Variants in TENM4 observed in about 807,000 individuals in gnomAD.
TENM4 encodes teneurin-4.
TENM4 carries 82 observed loss-of-function variants against 243.3 expected under a neutral mutation model. That is an observed-to-expected ratio of 0.34 (90% CI 0.28 to 0.40). The LOEUF (loss-of-function observed/expected upper bound fraction) is 0.40, where lower values mean the gene tolerates loss of function less well. Among genes scored for constraint, TENM4 ranks in the 10% least tolerant of loss-of-function variants. The pLI, the probability that TENM4 is intolerant of heterozygous loss-of-function variation, is 1.00. For synonymous variants in TENM4, 1,412 were observed against 1,456.3 expected (o/e 0.97, Z 0.69); for missense variants, 3,138 against 3,673.3 (o/e 0.85, Z 3.77).
chr11:79,391,117 T>A (rs770166183), intron 1 of TENM4, among the ~76,000 whole-genome samples: 97 of 152,182 alleles, frequency 6.4e-4, no homozygotes, highest in Non-Finnish European at 1.2e-3. Context: ...GGGGAGTCAT[T>A]TCTAAAAATA....
Position 78,701,849 on chromosome 11 carries a change from C to A in TENM4, c.4764G>T (p.Leu1588=). The A allele has an allele frequency of 6.2e-7, 1 of 1,614,016 alleles. No homozygotes were observed. Among genetic ancestry groups the A allele is most frequent in the East Asian group, 2.2e-5 (1 of 44,878 alleles). Residue 1588 remains leucine, a synonymous_variant, in exon 28 of 34, where the codon CTG becomes CTT. Transcript: ENST00000278550. Reference sequence around the variant, plus strand: ...ACAGGTGCTTGCCGGTGGTATCAAACAGATAGAGCTCCTGGTCAATTGGTG... The same window carrying A: ...ACAGGTGCTTGCCGGTGGTATCAAAAAGATAGAGCTCCTGGTCAATTGGTG... ...LSSPIDQELY[L]FDTTGKHLYT... is the part of the protein sequence containing the mutation.
At chr11:78,869,353 T>A (rs1316381578) in intron 9 of TENM4, among the ~76,000 whole-genome samples, 1 of 152,216 alleles carries the variant, frequency 6.6e-6, no homozygotes, top group Non-Finnish European at 1.5e-5. Flanking sequence ...CATGTATGCA[T>A]ATGAAAAACA....
At chr11:78,970,000 TCTTTTTCTTCTCATGTGCTAGCCATA>T (rs1857508127) in intron 6 of TENM4, among the ~76,000 whole-genome samples, 1 of 152,236 alleles carries the variant, frequency 6.6e-6, no homozygotes, top group Admixed American at 6.5e-5. Context: ...CCAAATGCAT[TCTTTTTCTTCTCATGTGCTAGCCATA>T]GGGCATTCAG....
chr11:79,273,110 T>C (rs902584722), intron 2 of TENM4, among the ~76,000 whole-genome samples: 1 of 152,168 alleles, frequency 6.6e-6, no homozygotes, highest in South Asian at 2.1e-4. Flanking sequence ...AACAAATCTG[T>C]GTCCTGGCCA....
chr11:79,363,514 A>G (rs78732269), intron 1 of TENM4, among the ~76,000 whole-genome samples: 1,574 of 152,342 alleles, frequency 0.01, 27 homozygotes, highest in African/African-American at 0.036. Context: ...TGTTGTGACT[A>G]TCCGCTGTCT....
chr11:79,356,758 T>C (rs908672586), intron 1 of TENM4, among the ~76,000 whole-genome samples: 1 of 149,240 alleles, frequency 6.7e-6, no homozygotes, highest in Non-Finnish European at 1.5e-5. Flanking sequence ...TTGTATTGGG[T>C]AAAAAAAAAA....
intron 6 of TENM4, among the ~76,000 whole-genome samples, chr11:78,966,039 T>G (rs943098032): frequency 6.6e-6 from 1 of 152,140 alleles, no homozygotes; most frequent in South Asian, 2.1e-4. Context: ...CAATCCAGCA[T>G]GTACCGGAGC....
chr11:78,731,057 T>C (rs948820164), intron 21 of TENM4, among the ~76,000 whole-genome samples: 3 of 152,218 alleles, frequency 2.0e-5, no homozygotes, highest in Non-Finnish European at 1.5e-5. Flanking sequence ...AGTTTGTTTA[T>C]GTGTATTTCA....
intron 6 of TENM4, among the ~76,000 whole-genome samples, chr11:78,968,614 G>A (rs1302336629): frequency 2.6e-5 from 4 of 152,166 alleles, no homozygotes; most frequent in Non-Finnish European, 5.9e-5. Flanking sequence ...CAGAGGGGTG[G>A]GGCATTTACA....
intron 10 of TENM4, among the ~76,000 whole-genome samples, chr11:78,861,560 T>A (rs1858820201): frequency 6.6e-6 from 1 of 152,202 alleles, no homozygotes; most frequent in Non-Finnish European, 1.5e-5. Flanking sequence ...ACTGGCTTTG[T>A]CCCTCAAAAT....
intron 6 of TENM4, among the ~76,000 whole-genome samples, chr11:79,028,377 T>G (rs1859136955): frequency 6.6e-6 from 1 of 152,202 alleles, no homozygotes; most frequent in South Asian, 2.1e-4. Context: ...GGAGGCTTCT[T>G]GCTCTCATGA....
At chr11:78,676,013 C>T in intron 30 of TENM4, 139 bp downstream of exon 30, 1 of 843,714 alleles carries the variant, frequency 1.2e-6, no homozygotes, top group Non-Finnish European at 1.8e-6. Context: ...TCTCTGATCA[C>T]ACATGGTTCC....
chr11:79,429,282 C>A (rs1188055328), intron 1 of TENM4, among the ~76,000 whole-genome samples: 3 of 152,102 alleles, frequency 2.0e-5, no homozygotes, highest in Non-Finnish European at 2.9e-5. Flanking sequence ...CCTGAAATAA[C>A]CTGCAATAGA....
At chr11:78,877,255 C>G (rs1454594536) in intron 9 of TENM4, among the ~76,000 whole-genome samples, 1 of 152,120 alleles carries the variant, frequency 6.6e-6, no homozygotes, top group Non-Finnish European at 1.5e-5. Flanking sequence ...CCTCTCACTG[C>G]TCCCTTCTTC....
At position 78,703,733 on chromosome 11, in the gene TENM4, T is replaced by G. The variant is rs1369261554; in HGVS notation, c.4210-1330A>C. On this transcript the variant is annotated intron_variant, in intron 27 of 33. Coordinates refer to ENST00000278550, the MANE Select transcript of TENM4 (RefSeq NM_001098816.3). ...CCGACAGGTGCACCCTACTGCTGAT[T>G]TTTCCACCCCACCTAAAAATTCACT... 5.3e-5 allele frequency among the ~76,000 whole-genome samples: 8 copies of G among 152,016 alleles called. No homozygotes were observed. The East Asian group carries it at 1.4e-3, about 26-fold the overall frequency.
chr11:79,252,999 A>G (rs1185493056), intron 2 of TENM4, among the ~76,000 whole-genome samples: 2 of 152,266 alleles, frequency 1.3e-5, no homozygotes, highest in African/African-American at 4.8e-5. Context: ...AACAGATTTT[A>G]GAATTCTGAG....
At chr11:79,196,003 A>G (rs1863619385) in intron 3 of TENM4, among the ~76,000 whole-genome samples, 1 of 152,158 alleles carries the variant, frequency 6.6e-6, no homozygotes, top group Admixed American at 6.5e-5. Context: ...ATGATAGTGA[A>G]TAAGCCTCAC....
Position 78,688,183 on chromosome 11 carries a change from C to T in TENM4, c.5131G>A (p.Gly1711Ser), listed in dbSNP as rs1449897205. The change falls in exon 29 of 34, where the codon GGC becomes AGC. Residue 1711 changes from glycine to serine, a missense_variant. Transcript: ENST00000278550. Reference sequence around the variant, plus strand: ...TCACTTCGGAAACTGCTCACCTGGCCAGTAGGGAAGGTCACATTTGTCAGG... The same window carrying T: ...TCACTTCGGAAACTGCTCACCTGGCTAGTAGGGAAGGTCACATTTGTCAGG... ...GRLTNVTFPT[G>S]QVSSFRSDTD... 3 of 1,613,804 alleles carry T rather than the reference C, an allele frequency of 1.9e-6. No homozygotes were observed. Among genetic ancestry groups the T allele is most frequent in the Admixed American group, 3.3e-5 (2 of 60,010 alleles).
At chr11:78,785,016 G>A (rs1248156727) in intron 16 of TENM4, among the ~76,000 whole-genome samples, 1 of 151,864 alleles carries the variant, frequency 6.6e-6, no homozygotes, top group Non-Finnish European at 1.5e-5. Context: ...CAAACAGAAT[G>A]GGCCCTCTCT....
Sources: allele counts gnomAD v4.1 joint callset (sites outside exome capture counted in the v4.1 genomes callset), GRCh38; gene constraint gnomAD v4.1.1; transcripts MANE v1.5; gene names NCBI Gene and HGNC (gene_info 2026-07-23, HGNC 2026-07-21).